Variants in SLC35D2 observed in about 807,000 individuals in gnomAD.
SLC35D2 encodes the protein nucleotide sugar transporter SLC35D2.
In SLC35D2, 43 loss-of-function variants were observed where a neutral mutation model predicts 41.8. The observed-to-expected ratio is 1.03, with a 90% CI of 0.81 to 1.33. The LOEUF is 1.33. Among genes scored for constraint, SLC35D2 ranks in the 40% most tolerant of loss-of-function variants. The pLI, the probability that SLC35D2 is intolerant of heterozygous loss-of-function variation, is 0.00. For synonymous variants in SLC35D2, 150 were observed against 163.9 expected (o/e 0.92, Z 0.65); for missense variants, 380 against 408.4 (o/e 0.93, Z 0.60).
chr9:96,368,243 A>G, intron 2 of SLC35D2, 29 bp downstream of exon 2: 1 of 1,557,008 alleles, frequency 6.4e-7, no homozygotes, highest in Non-Finnish European at 8.8e-7. Flanking sequence ...TAACAAAATA[A>G]GAGGTTAATT....
intron 3 of SLC35D2, among the ~76,000 whole-genome samples, chr9:96,360,648 A>AAG (rs1830231318): frequency 7.1e-6 from 1 of 139,948 alleles, no homozygotes; most frequent in African/African-American, 3.2e-5. Context: ...AAAAAAAAAA[A>AAG]AAAAAAGAAA....
rs778975543 is a variant in SLC35D2, at chr9:96,343,905, T to A, written c.683A>T (p.Gln228Leu). 1 of 1,536,398 alleles carries A rather than the reference T, an allele frequency of 6.5e-7. No individual in the cohort carries two copies. The highest frequency in any genetic ancestry group is 2.3e-5 in the Admixed American group (1 of 43,584). The change falls in exon 8 of 12, where the codon CAG (glutamine) becomes CTG (leucine). Residue 228 changes from glutamine to leucine, a missense_variant and splice_region_variant. Coordinates refer to ENST00000253270, the MANE Select transcript of SLC35D2 (RefSeq NM_007001.3). ...CTGTAATGATTGTCATCAGCTCACC[T>A]GTTGCAGGTCTCCAGTGGAGACACT... ...IISVSTGDLQ[Q>L]ATEFNQWKNV...
chr9:96,355,255 G>C (rs1829972731), intron 4 of SLC35D2, among the ~76,000 whole-genome samples: 1 of 151,830 alleles, frequency 6.6e-6, no homozygotes, highest in Non-Finnish European at 1.5e-5. Flanking sequence ...CTGACCTCAA[G>C]TGATCCACCT....
intron 9 of SLC35D2, among the ~76,000 whole-genome samples, chr9:96,324,847 G>A (rs576027857): frequency 4.0e-5 from 6 of 151,452 alleles, no homozygotes; most frequent in African/African-American, 1.5e-4. Flanking sequence ...GAGCCACCGC[G>A]CCTGGCCCGC....
Position 96,324,112 on chromosome 9 carries a change from T to C in SLC35D2, c.810A>G (p.Thr270=). The C allele has an allele frequency of 1.2e-6, 2 of 1,613,998 alleles. No homozygotes were observed. The highest frequency in any genetic ancestry group is 1.7e-6 in the Non-Finnish European group (2 of 1,179,918). Residue 270 remains threonine, a synonymous_variant, in exon 10 of 12, where the codon ACA becomes ACG. Coordinates refer to ENST00000253270, the MANE Select transcript of SLC35D2 (RefSeq NM_007001.3). ...TCACCTTGATGGCTCCAACCACTGC[T>C]GTCGTCAGGGCTGAATTGTAATAGC... ...LCSYYNSALT[T]AVVGAIKNVS...
intron 1 of SLC35D2, among the ~76,000 whole-genome samples, chr9:96,378,662 T>A (rs1243554813): frequency 6.6e-6 from 1 of 152,036 alleles, no homozygotes; most frequent in Non-Finnish European, 1.5e-5. Flanking sequence ...TCTCAGCACT[T>A]TGGGAGGCTG....
chr9:96,374,742 G>A (rs1830867197), intron 1 of SLC35D2, among the ~76,000 whole-genome samples: 1 of 150,808 alleles, frequency 6.6e-6, no homozygotes, highest in Non-Finnish European at 1.5e-5. Flanking sequence ...GGAGGCTGAG[G>A]CAGGAGAATG....
At chr9:96,321,523 A>T (rs1372496139) in intron 11 of SLC35D2, among the ~76,000 whole-genome samples, 182 bp from the exon 12 acceptor site, 2 of 152,114 alleles carry the variant, frequency 1.3e-5, no homozygotes, top group African/African-American at 4.8e-5. Context: ...AAGCCTTTGG[A>T]GGCAGAAAAA....
chr9:96,359,307 C>CAAA (rs1356916363), intron 4 of SLC35D2, among the ~76,000 whole-genome samples: 2 of 117,166 alleles, frequency 1.7e-5, no homozygotes, highest in African/African-American at 6.4e-5. Context: ...GACTCCGTCT[C>CAAA]AAAAAAAAAA....
At chr9:96,321,440 G>A in intron 11 of SLC35D2, 99 bp from the exon 12 acceptor site, 1 of 758,000 alleles carries the variant, frequency 1.3e-6, no homozygotes, top group Non-Finnish European at 2.2e-6. Context: ...GCTTCATGCG[G>A]AGGGAATTAT....
chr9:96,325,957 A>G (rs1164981790), intron 9 of SLC35D2, among the ~76,000 whole-genome samples: 2 of 152,310 alleles, frequency 1.3e-5, no homozygotes, highest in East Asian at 3.9e-4. Context: ...CAGAATATCA[A>G]GCTTTACAAG....
intron 7 of SLC35D2, 117 bp downstream of exon 7, chr9:96,345,182 T>A (rs2130913481): frequency 1.7e-6 from 1 of 581,036 alleles, no homozygotes; most frequent in South Asian, 2.7e-5. Flanking sequence ...ATAAGGAATT[T>A]ACAGGTCATA....
Position 96,321,295 on chromosome 9 carries a change from A to G in SLC35D2, c.961T>C (p.Leu321=), listed in dbSNP as rs149707970. Residue 321 remains leucine (L), a synonymous_variant, in exon 12 of 12, where the codon TTA becomes CTA. Coordinates refer to ENST00000253270, the MANE Select transcript of SLC35D2 (RefSeq NM_007001.3). The part of the protein sequence containing the change: ...RYSFLTLSSQ[L]KPKPVGEENI... ...TCTTCACCCACAGGTTTAGGTTTTA[A>G]CTGGCTGCTCAGTGTTAAAAAGGAA... 1.1e-4 allele frequency: 172 copies of G among 1,614,134 alleles called. No individual in the cohort carries two copies. In the African/African-American group the frequency reaches 2.1e-3, roughly 20 times the overall value.
In SLC35D2 at chr9:96,364,057, T is replaced by G. The variant is rs949016072; in HGVS notation, c.279+407A>C. Among the ~76,000 whole-genome samples the G allele has an allele frequency of 3.3e-5, 5 of 152,252 alleles. No homozygotes were observed. The South Asian group carries it at 1.0e-3, about 31-fold the overall frequency. The stretch of plus-strand genomic sequence containing the variant: ...TTGGCCAGGCACAGTGGCTCACACC[T>G]GTAATCCGAGCACTTTGGGAGGCTA... On this transcript the variant is annotated intron_variant, in intron 3 of 11. Coordinates refer to ENST00000253270, the MANE Select transcript of SLC35D2 (RefSeq NM_007001.3).
intron 5 of SLC35D2, 89 bp downstream of exon 5, chr9:96,351,949 C>A: frequency 1.3e-6 from 1 of 744,364 alleles, no homozygotes; most frequent in South Asian, 1.9e-5. Flanking sequence ...TAAATTATTG[C>A]AACTAGCAAT....
At position 96,340,546 on chromosome 9, in the gene SLC35D2, G is replaced by A. The variant is rs576035144; in HGVS notation, c.684+3358C>T. 2.5e-3 allele frequency among the ~76,000 whole-genome samples: 359 copies of A among 141,926 alleles called. 1 individual carries two copies. Among genetic ancestry groups the A allele is most frequent in the African/African-American group, 8.8e-3 (335 of 37,926 alleles). 93.1% of individuals were successfully genotyped at this position (141,926 alleles called of 152,430 possible). ...GAGGCAGGAGAATCGCTTGAACCCA[G>A]GAGGCGGAGGTTGCAGTGAGTCGAG... On this transcript the variant is annotated intron_variant, in intron 8 of 11. Transcript: ENST00000253270.
At chr9:96,342,675 T>C (rs1454672620) in intron 8 of SLC35D2, among the ~76,000 whole-genome samples, 1 of 152,170 alleles carries the variant, frequency 6.6e-6, no homozygotes, top group African/African-American at 2.4e-5. Context: ...TAGTTTTCCA[T>C]ATAAACCCGT....
rs577423111 is a variant in SLC35D2 at position 96,335,372 on chromosome 9, T to C, written c.752+1345A>G. The stretch of plus-strand genomic sequence containing the variant: ...CCTATTTATTCTTTTTGTTTGTTTG[T>C]TTGTTTGAGATGGAGTCTCCTCTGT... On this transcript the variant is annotated intron_variant, in intron 9 of 11. Transcript: ENST00000253270. Among the ~76,000 whole-genome samples, 42 of 152,272 alleles carry C rather than the reference T, an allele frequency of 2.8e-4. 1 individual carries two copies. In the South Asian group the frequency reaches 8.7e-3, roughly 32 times the overall value.
At chr9:96,378,338 T>C (rs1008995895) in intron 1 of SLC35D2, among the ~76,000 whole-genome samples, 2 of 151,648 alleles carry the variant, frequency 1.3e-5, no homozygotes, top group African/African-American at 4.8e-5. Flanking sequence ...GAGGCTGACT[T>C]TGGAGGATTG....
Sources: allele counts gnomAD v4.1 joint callset (sites outside exome capture counted in the v4.1 genomes callset), GRCh38; gene constraint gnomAD v4.1.1; transcripts MANE v1.5; gene names NCBI Gene and HGNC (gene_info 2026-07-23, HGNC 2026-07-21).